The following KIFC2 variants were observed in gnomAD, a reference collection of about 807,000 sequenced individuals.
KIFC2 encodes kinesin family member C2, also known as kinesin-like protein KIFC2.
A neutral mutation model predicts 91.5 loss-of-function variants in KIFC2; 94 were observed. That is an observed-to-expected ratio of 1.03 (90% CI 0.87 to 1.22). KIFC2 has a LOEUF of 1.22. Ranked by LOEUF, KIFC2 falls within the 50% of genes most tolerant of loss-of-function variation. The pLI, the probability that KIFC2 is intolerant of heterozygous loss-of-function variation, is 0.00. For synonymous variants in KIFC2, 729 were observed against 503.9 expected (o/e 1.45, Z -5.98); for missense variants, 1,357 against 1,103.3 (o/e 1.23, Z -3.26).
At chr8:144,468,308 C>T (rs914347016) in intron 7 of KIFC2, 21 bp from the exon 8 acceptor site, 7 of 1,596,912 alleles carry the variant, frequency 4.4e-6, no homozygotes, top group South Asian at 1.1e-5. Flanking sequence ...TGAGTCCCTC[C>T]TGGCCCCCAC....
chr8:144,473,134 C>G lies in KIFC2; in HGVS notation c.2121C>G (p.Ile707Met), dbSNP rs1254650115. 6.4e-7 allele frequency: 1 copy of G among 1,551,418 alleles called. No individual in the cohort carries two copies. The highest frequency in any genetic ancestry group is 8.7e-7 in the Non-Finnish European group (1 of 1,147,332). The change falls in exon 18 of 18, where the codon ATC (isoleucine) becomes ATG (methionine). Residue 707 changes from isoleucine to methionine, a missense_variant and splice_region_variant. Coordinates refer to ENST00000645548, the MANE Select transcript of KIFC2 (RefSeq NM_001369769.2). ...CCACCCGCGCCTCTTGCCCGCAGATCTCCACGCGGCCGGAGGATCTCGGGG... is the reference window on the plus strand; with the variant it reads ...CCACCCGCGCCTCTTGCCCGCAGATGTCCACGCGGCCGGAGGATCTCGGGG... ...PGTTAVLLLQ[I>M]STRPEDLGET...
intron 10 of KIFC2, 144 bp downstream of exon 10, chr8:144,468,978 C>T (rs1030761801): frequency 1.5e-6 from 1 of 678,564 alleles, no homozygotes; most frequent in Non-Finnish European, 2.5e-6. Flanking sequence ...GGGTGGGATT[C>T]CACTTCTGGG....
chr8:144,472,364 C>T lies in KIFC2; in HGVS notation c.1611C>T (p.Asp537=), dbSNP rs200759386. The change falls in exon 15 of 18, where the codon GAC becomes GAT. Residue 537 remains aspartate, a synonymous_variant. Transcript: ENST00000645548. ...AGACCTTCCCCTTTCTCACCAGGGA[C>T]CTCCTTGCTCCAGGGCCTCCCGAGC... The part of the protein sequence containing the change: ...MVEIYNEAVR[D]LLAPGPPERL... 2.5e-6 allele frequency: 4 copies of T among 1,613,454 alleles called. No homozygotes were observed. The highest frequency in any genetic ancestry group is 1.1e-5 in the South Asian group (1 of 91,084).
chr8:144,473,037 G>A lies in KIFC2; in HGVS notation c.2104G>A (p.Val702Met). 1.4e-6 allele frequency: 2 copies of A among 1,418,300 alleles called. No homozygotes were observed. The highest frequency in any genetic ancestry group is 9.1e-7 in the Non-Finnish European group (1 of 1,093,650). 87.9% of individuals were successfully genotyped at this position (1,418,300 alleles called of 1,614,324 possible). ...QPALGPGTTA[V>M]LLLQISTRPE... ...GGCGCTGGGCCCAGGCACCACCGCGGTGCTGCTGCTGCAGGTGGGCGCCGG... is the reference window on the plus strand; with the variant it reads ...GGCGCTGGGCCCAGGCACCACCGCGATGCTGCTGCTGCAGGTGGGCGCCGG... Residue 702 changes from valine to methionine, a missense_variant, in exon 17 of 18, where the codon GTG becomes ATG. By Grantham distance (21) the Val-to-Met change is conservative. Coordinates refer to ENST00000645548, the MANE Select transcript of KIFC2 (RefSeq NM_001369769.2).
chr8:144,467,597 G>T lies in KIFC2; in HGVS notation c.582G>T (p.Ala194=). The T allele has an allele frequency of 1.2e-6, 2 of 1,600,196 alleles. No homozygotes were observed. Among genetic ancestry groups the T allele is most frequent in the Non-Finnish European group, 1.7e-6 (2 of 1,172,780 alleles). Residue 194 remains alanine, a synonymous_variant, in exon 5 of 18, where the codon GCG becomes GCT. Transcript: ENST00000645548. ...TCCAGTTGGAGGAGGATCAGAGGGC[G>T]TGGCAGCGGCTGGAGCAGCTCATCC... ...QPLQLEEDQR[A]WQRLEQLILG... is the part of the protein sequence containing the mutation.
At chr8:144,466,680 C>A in intron 1 of KIFC2, 80 bp from the exon 2 acceptor site, 1 of 1,255,776 alleles carries the variant, frequency 8.0e-7, no homozygotes, top group East Asian at 2.9e-5. Context: ...CGGCCCCAAT[C>A]CTCCGGCCCG....
chr8:144,466,891 G>T, intron 2 of KIFC2, 53 bp downstream of exon 2: 1 of 1,545,868 alleles, frequency 6.5e-7, no homozygotes, highest in Non-Finnish European at 8.7e-7. Context: ...GGACCTCCCA[G>T]GGAGGGGCGG....
At position 144,467,106 on chromosome 8, in the gene KIFC2, G is replaced by A; in HGVS notation, c.326G>A (p.Gly109Asp). 3 of 1,604,490 alleles carry A rather than the reference G, an allele frequency of 1.9e-6. No homozygotes were observed. Among genetic ancestry groups the A allele is most frequent in the Admixed American group, 1.7e-5 (1 of 59,154 alleles). Residue 109 changes from glycine (G) to aspartate (D), a missense_variant, in exon 3 of 18, where the codon GGC becomes GAC. Physicochemically the swap from Gly to Asp is moderately conservative, Grantham distance 94. Coordinates refer to ENST00000645548, the MANE Select transcript of KIFC2 (RefSeq NM_001369769.2). ...EESCGGPADL[G>D]QSGEVPSLLT... The stretch of plus-strand genomic sequence containing the variant: ...AGCTGCGGGGGCCCGGCGGACCTGG[G>A]CCAGGTGAGCGCGGCGGAGGGGGCT...
chr8:144,467,512 C>A lies in KIFC2; in HGVS notation c.497C>A (p.Ser166Tyr). 1 of 1,588,432 alleles carries A rather than the reference C, an allele frequency of 6.3e-7. No homozygotes were observed. The highest frequency in any genetic ancestry group is 8.6e-7 in the Non-Finnish European group (1 of 1,169,012). Residue 166 changes from serine to tyrosine, a missense_variant, in exon 5 of 18, where the codon TCC (serine) becomes TAC (tyrosine). Physicochemically the swap from Ser to Tyr is moderately radical, Grantham distance 144 (BLOSUM62 -2). Coordinates refer to ENST00000645548, the MANE Select transcript of KIFC2 (RefSeq NM_001369769.2). The part of the protein sequence containing the change: ...DGSTSQEESP[S>Y]HFTAVPGEPL... ...TCCACATCCCAAGAAGAAAGCCCTTCCCACTTCACCGCAGTCCCAGGCGAG... is the reference window on the plus strand; with the variant it reads ...TCCACATCCCAAGAAGAAAGCCCTTACCACTTCACCGCAGTCCCAGGCGAG...
rs1217271507 is a variant in KIFC2 at position 144,466,538 on chromosome 8, C to T, written c.99+20C>T. 2 of 1,178,018 alleles carry T rather than the reference C, an allele frequency of 1.7e-6. No homozygotes were observed. Among genetic ancestry groups the T allele is most frequent in the Admixed American group, 4.4e-5 (1 of 22,954 alleles). 73.0% of individuals were successfully genotyped at this position (1,178,018 alleles called of 1,614,324 possible). ...GCCCAGGTGAGCGGGGCTGGCCGTG[C>T]AGCCCGTCGTCTCCCGCCGCCTGCC... On this transcript the variant is annotated intron_variant, in intron 1 of 17. Coordinates refer to ENST00000645548, the MANE Select transcript of KIFC2 (RefSeq NM_001369769.2).
intron 13 of KIFC2, 46 bp downstream of exon 13, chr8:144,472,092 G>A (rs1227716503): frequency 5.0e-6 from 8 of 1,613,032 alleles, no homozygotes; most frequent in Non-Finnish European, 5.9e-6. Flanking sequence ...CAGGGGCCCT[G>A]CATGACTTGG....
chr8:144,467,626 G>A lies in KIFC2; in HGVS notation c.611G>A (p.Gly204Glu). Reference protein sequence around the residue: ...AWQRLEQLILGQLEELKQQLE... With the variant: ...AWQRLEQLILEQLEELKQQLE... ...CAGCGGCTGGAGCAGCTCATCCTGG[G>A]ACAGGTGAGGTCCCTGGAGCCAGAA... The change falls in exon 5 of 18, where the codon GGA (glycine) becomes GAA (glutamate). Residue 204 changes from glycine (G) to glutamate (E), a missense_variant. Coordinates refer to ENST00000645548, the MANE Select transcript of KIFC2 (RefSeq NM_001369769.2). 6.3e-7 allele frequency: 1 copy of A among 1,598,294 alleles called. No individual in the cohort carries two copies. Among genetic ancestry groups the A allele is most frequent in the South Asian group, 1.1e-5 (1 of 89,170 alleles).
At position 144,473,256 on chromosome 8, in the gene KIFC2, C is replaced by A. The variant is rs899271841; in HGVS notation, c.2243C>A (p.Ser748Tyr). 1 of 1,605,386 alleles carries A rather than the reference C, an allele frequency of 6.2e-7. No homozygotes were observed. Among genetic ancestry groups the A allele is most frequent in the African/African-American group, 1.3e-5 (1 of 74,820 alleles). Residue 748 changes from serine (S) to tyrosine (Y), a missense_variant, in exon 18 of 18, where the codon TCT (serine) becomes TAT (tyrosine). Transcript: ENST00000645548. ...RRVPRSSGTP[S>Y]SLSTDTPLTG... ...GTCCCGCGCTCCTCCGGGACGCCTT[C>A]TTCCCTCAGCACCGACACTCCGCTC... is the stretch of plus-strand genomic sequence containing the variant.
In KIFC2 at chr8:144,472,979, C is replaced by G. The variant is rs1824996138; in HGVS notation, c.2046C>G (p.Phe682Leu). The G allele has an allele frequency of 6.9e-7, 1 of 1,455,866 alleles. No homozygotes were observed. The highest frequency in any genetic ancestry group is 9.0e-7 in the Non-Finnish European group (1 of 1,111,916). 90.2% of individuals were successfully genotyped at this position (1,455,866 alleles called of 1,614,324 possible). A position where few individuals can be genotyped will look rare whatever the true frequency, so the allele number is the denominator to read the frequency against. ...GGGCCCACCGGCCGCACGTGCCCTTCCGCGACTCGCAGCTCACGCGACTGC... is the reference window on the plus strand; with the variant it reads ...GGGCCCACCGGCCGCACGTGCCCTTGCGCGACTCGCAGCTCACGCGACTGC... ...ALRAHRPHVP[F>L]RDSQLTRLLQ... Residue 682 changes from phenylalanine to leucine, a missense_variant, in exon 17 of 18, where the codon TTC becomes TTG. Coordinates refer to ENST00000645548, the MANE Select transcript of KIFC2 (RefSeq NM_001369769.2).
Position 144,472,877 on chromosome 8 carries a change from C to G in KIFC2, c.1944C>G (p.Asp648Glu). 1 of 1,525,126 alleles carries G rather than the reference C, an allele frequency of 6.6e-7. No individual in the cohort carries two copies. The highest frequency in any genetic ancestry group is 8.7e-7 in the Non-Finnish European group (1 of 1,150,954). 94.5% of individuals were successfully genotyped at this position (1,525,126 alleles called of 1,614,324 possible). A position where few individuals can be genotyped will look rare whatever the true frequency, so the allele number is the denominator to read the frequency against. ...GAAGPPRGDP[D>E]GARRLREAQT... ...CCGGCCCGCCGCGGGGAGACCCAGA[C>G]GGCGCCCGGCGCCTGCGGGAGGCCC... is the stretch of plus-strand genomic sequence containing the variant. The change falls in exon 17 of 18, where the codon GAC (aspartate) becomes GAG (glutamate). Residue 648 changes from aspartate (D) to glutamate (E), a missense_variant. Physicochemically the swap from Asp to Glu is conservative, Grantham distance 45. Transcript: ENST00000645548.
chr8:144,471,903 G>T, intron 12 of KIFC2, 39 bp from the exon 13 acceptor site: 1 of 1,587,772 alleles, frequency 6.3e-7, no homozygotes, highest in Non-Finnish European at 8.6e-7. Flanking sequence ...AACAGGCAAC[G>T]TGGGGAGGAC....
At chr8:144,472,535 C>A in intron 15 of KIFC2, 42 bp from the exon 16 acceptor site, 7 of 1,611,712 alleles carry the variant, frequency 4.3e-6, no homozygotes, top group Non-Finnish European at 5.1e-6. Flanking sequence ...CACTTGGGGG[C>A]GGGGACCCTG....
In KIFC2 at chr8:144,473,292, C is replaced by G; in HGVS notation, c.2279C>G (p.Pro760Arg). The G allele has an allele frequency of 1.2e-6, 2 of 1,606,078 alleles. No individual in the cohort carries two copies. Among genetic ancestry groups the G allele is most frequent in the Non-Finnish European group, 8.5e-7 (1 of 1,177,392 alleles). The change falls in exon 18 of 18, where the codon CCC becomes CGC. Residue 760 changes from proline to arginine, a missense_variant. Pro to Arg is a moderately radical substitution (Grantham distance 103). Coordinates refer to ENST00000645548, the MANE Select transcript of KIFC2 (RefSeq NM_001369769.2). ...LSTDTPLTGT[P>R]CTPTPSPGSP... ...ACCGACACTCCGCTCACCGGGACCC[C>G]CTGCACCCCTACGCCGTCCCCTGGC... is the stretch of plus-strand genomic sequence containing the variant.
At chr8:144,471,824 C>A (rs775830053) in intron 12 of KIFC2, 118 bp from the exon 13 acceptor site, 21 of 837,894 alleles carry the variant, frequency 2.5e-5, no homozygotes, top group Admixed American at 7.8e-5. Context: ...TTAGAGCCAT[C>A]CTCCCAGGAG....
Sources: gnomAD v4.1 joint callset for allele counts on GRCh38, gnomAD v4.1.1 for gene constraint, MANE v1.5 for transcripts, NCBI Gene and HGNC (gene_info 2026-07-23, HGNC 2026-07-21) for gene names.